LPA: variants seen among roughly 807,000 people sequenced by gnomAD.
LPA encodes the protein apolipoprotein(a).
Under a neutral mutation model 197.9 loss-of-function variants are expected in LPA, and 199 were observed. The ratio of observed to expected loss-of-function variants is 1.01; its 90% CI spans 0.90 to 1.13. The LOEUF is 1.13. LPA is among the 50% of genes most tolerant of loss of function. The pLI, the probability that LPA is intolerant of heterozygous loss-of-function variation, is 0.00. For synonymous variants in LPA, 715 were observed against 639.5 expected, an observed-to-expected ratio of 1.12 and a Z score of -1.78; for missense variants, 1,853 against 1,785.8, an observed-to-expected ratio of 1.04 and a Z score of -0.68.
chr6:160,545,337 C>T (rs1305363978), intron 33 of LPA, 103 bp downstream of exon 33: 2 of 841,936 alleles, frequency 2.4e-6, no homozygotes, highest in East Asian at 5.1e-5. Context: ...ATCTCCTCCC[C>T]AGAAGCACTC....
chr6:160,602,918 T>C (rs1402401003), intron 18 of LPA, among the ~76,000 whole-genome samples: 1 of 152,166 alleles, frequency 6.6e-6, no homozygotes, highest in African/African-American at 2.4e-5. Flanking sequence ...TCCTCCAGTT[T>C]CTCATGAGAT....
chr6:160,591,199 G>T, intron 22 of LPA, 98 bp from the exon 23 acceptor site: 3 of 1,472,192 alleles, frequency 2.0e-6, no homozygotes, highest in East Asian at 2.4e-5. Context: ...GGTAAAAAGT[G>T]ACTTTGAAAT....
At chr6:160,590,361 CA>C (rs1225276655) in intron 23 of LPA, among the ~76,000 whole-genome samples, 1 of 152,162 alleles carries the variant, frequency 6.6e-6, no homozygotes, top group African/African-American at 2.4e-5. Context: ...GAAGGAGGGG[CA>C]AGAACACTAA....
intron 33 of LPA, among the ~76,000 whole-genome samples, chr6:160,544,067 T>C (rs1211763382): frequency 6.6e-6 from 1 of 152,204 alleles, no homozygotes; most frequent in East Asian, 1.9e-4. Context: ...CTGATTCTCA[T>C]ACATCCTCAA....
At chr6:160,577,683 C>A (rs1004042022) in intron 27 of LPA, among the ~76,000 whole-genome samples, 2 of 152,126 alleles carry the variant, frequency 1.3e-5, no homozygotes, top group Non-Finnish European at 2.9e-5. Context: ...AAGACCCTTG[C>A]GCATTTCCCT....
At chr6:160,647,552 T>C (rs1189913077) in intron 2 of LPA, among the ~76,000 whole-genome samples, 2 of 152,002 alleles carry the variant, frequency 1.3e-5, no homozygotes, top group Non-Finnish European at 2.9e-5. Flanking sequence ...CTTTAAAGAC[T>C]TTTTTTTCTT....
At chr6:160,587,089 A>G (rs963952797) in intron 24 of LPA, among the ~76,000 whole-genome samples, 2 of 152,236 alleles carry the variant, frequency 1.3e-5, no homozygotes, top group Admixed American at 6.5e-5. Flanking sequence ...TAAGCAATCC[A>G]TCCACATGAT....
chr6:160,580,585 T>A (rs1778774979), intron 26 of LPA, among the ~76,000 whole-genome samples: 1 of 152,204 alleles, frequency 6.6e-6, no homozygotes, highest in South Asian at 2.1e-4. Context: ...TATTATTGTG[T>A]CTTCTTAATG....
At chr6:160,599,841 A>G (rs1779204619) in intron 19 of LPA, among the ~76,000 whole-genome samples, 182 bp from the exon 20 acceptor site, 1 of 152,218 alleles carries the variant, frequency 6.6e-6, no homozygotes. Flanking sequence ...GATGCCTACC[A>G]TTCTAGAACT....
chr6:160,554,542 T>G (rs2115009335), intron 30 of LPA, among the ~76,000 whole-genome samples: 1 of 152,250 alleles, frequency 6.6e-6, no homozygotes, highest in Middle Eastern at 3.4e-3. Context: ...AAAGTATGAC[T>G]TTTCTGGGGT....
chr6:160,562,126 G>A (rs1778372653), intron 28 of LPA, among the ~76,000 whole-genome samples: 1 of 152,178 alleles, frequency 6.6e-6, no homozygotes, highest in South Asian at 2.1e-4. Context: ...TGGTGAGAGA[G>A]GGCATCCTTG....
chr6:160,601,175 G>A, intron 18 of LPA, 77 bp from the exon 19 acceptor site: 1 of 1,250,972 alleles, frequency 8.0e-7, no homozygotes, highest in East Asian at 2.3e-5. Context: ...CTACAACAAG[G>A]TCATTACTGG....
intron 30 of LPA, among the ~76,000 whole-genome samples, chr6:160,553,960 C>T (rs1223486813): frequency 4.9e-4 from 16 of 32,398 alleles, no homozygotes; most frequent in South Asian, 4.7e-3. Flanking sequence ...TGTGTGCGCG[C>T]GCGCGCGTGT....
intron 29 of LPA, among the ~76,000 whole-genome samples, chr6:160,556,624 G>A (rs901648241): frequency 1.3e-5 from 2 of 152,144 alleles, no homozygotes; most frequent in African/African-American, 4.8e-5. Flanking sequence ...TAAGCTTCTG[G>A]TGGACGGGGC....
At chr6:160,609,188 A>G (rs1779426204) in intron 16 of LPA, among the ~76,000 whole-genome samples, 1 of 152,084 alleles carries the variant, frequency 6.6e-6, no homozygotes, top group South Asian at 2.1e-4. Flanking sequence ...CTCTGTTGCT[A>G]CATAAGCCTG....
Position 160,540,177 on chromosome 6 carries a change from T to C in LPA, c.5601A>G (p.Ser1867=). 6.2e-7 allele frequency: 1 copy of C among 1,614,156 alleles called. No homozygotes were observed. The highest frequency in any genetic ancestry group is 8.5e-7 in the Non-Finnish European group (1 of 1,180,030). ...LTAAHCLKKS[S]RPSSYKVILG... is the part of the protein sequence containing the mutation. ...GGATGACCTTGTAGGATGAAGGCCT[T>C]GAGGACCTAGAAAAGATGAGGATGT... The change falls in exon 36 of 39, where the codon TCA becomes TCG. Residue 1867 remains serine, a synonymous_variant. Coordinates refer to ENST00000316300, the MANE Select transcript of LPA (RefSeq NM_005577.4).
chr6:160,610,484 G>A (rs1313874940), intron 16 of LPA, among the ~76,000 whole-genome samples: 1 of 152,152 alleles, frequency 6.6e-6, no homozygotes, highest in Non-Finnish European at 1.5e-5. Context: ...AGAGTGCTAT[G>A]TGATCTCTAT....
At chr6:160,626,050 TC>T (rs1554240562) in intron 10 of LPA, among the ~76,000 whole-genome samples, 1 of 98,918 alleles carries the variant, frequency 1.0e-5, no homozygotes, top group Non-Finnish European at 2.0e-5. Context: ...AAGACACAGC[TC>T]TTTTTCCTCC....
In LPA at chr6:160,654,049, T is replaced by A. The variant is rs1374590526; in HGVS notation, c.50-3552A>T. ...TATAATATATATTATATATAATATA[T>A]AATATATTATATATATTATATATAA... On this transcript the variant is annotated intron_variant, in intron 1 of 38. Coordinates refer to ENST00000316300, the MANE Select transcript of LPA (RefSeq NM_005577.4). Among the ~76,000 whole-genome samples, 4 of 9,512 alleles carry A rather than the reference T, an allele frequency of 4.2e-4. 1 individual carries two copies. Among genetic ancestry groups the A allele is most frequent in the Non-Finnish European group, 6.5e-4 (4 of 6,146 alleles). The allele number at this position is 9,512 out of a possible 152,430, so 6.2% of individuals were successfully genotyped here. A position where few individuals can be genotyped will look rare whatever the true frequency, so the allele number is the denominator to read the frequency against.
Sources: allele counts gnomAD v4.1 joint callset (sites outside exome capture counted in the v4.1 genomes callset), GRCh38; gene constraint gnomAD v4.1.1; transcripts MANE v1.5; gene names NCBI Gene and HGNC (gene_info 2026-07-23, HGNC 2026-07-21).